GADL1: variants seen among roughly 807,000 people sequenced by gnomAD.
GADL1 encodes GAD like acidic amino acid decarboxylase 1, also known as acidic amino acid decarboxylase GADL1.
Under a neutral mutation model 69.5 loss-of-function variants are expected in GADL1, and 71 were observed. That is an observed-to-expected ratio of 1.02 (90% CI 0.84 to 1.25). The LOEUF (loss-of-function observed/expected upper bound fraction) is 1.25. Ranked by LOEUF, GADL1 falls within the 50% of genes most tolerant of loss-of-function variation. The probability of loss-of-function intolerance (pLI) is 0.00; values close to 1 mark genes in which losing one functional copy is unlikely to be tolerated. For missense variants in GADL1, 737 were observed against 631.8 expected, an observed-to-expected ratio of 1.17 and a Z score of -1.79; for synonymous variants, 254 against 214.4, an observed-to-expected ratio of 1.18 and a Z score of -1.62.
chr3:30,763,614 A>C (rs1230201795), intron 14 of GADL1, among the ~76,000 whole-genome samples: 4 of 152,104 alleles, frequency 2.6e-5, no homozygotes, highest in African/African-American at 9.7e-5. Context: ...GACTTAGATG[A>C]TTTTGCCCAA....
intron 11 of GADL1, among the ~76,000 whole-genome samples, chr3:30,806,900 A>G (rs1162211069): frequency 6.6e-6 from 1 of 152,234 alleles, no homozygotes; most frequent in Non-Finnish European, 1.5e-5. Context: ...GGAATCTTCC[A>G]AGGCTCCTAC....
At chr3:30,881,047 A>G (rs1220667662) in intron 1 of GADL1, among the ~76,000 whole-genome samples, 1 of 151,932 alleles carries the variant, frequency 6.6e-6, no homozygotes, top group Admixed American at 6.6e-5. Flanking sequence ...GTTAGAGATC[A>G]ATCACATTCC....
chr3:30,856,870 G>T, intron 3 of GADL1, 145 bp downstream of exon 3: 1 of 629,296 alleles, frequency 1.6e-6, no homozygotes, highest in South Asian at 2.3e-5. Context: ...GGGATTAAAG[G>T]GACCATTGCA....
At chr3:30,893,734 A>C (rs1281412640) in intron 1 of GADL1, among the ~76,000 whole-genome samples, 3 of 152,190 alleles carry the variant, frequency 2.0e-5, no homozygotes, top group African/African-American at 7.2e-5. Context: ...CTGCCTCACC[A>C]ACTACTGTGC....
chr3:30,855,710 T>G (rs1281149221), intron 3 of GADL1, among the ~76,000 whole-genome samples: 8 of 152,018 alleles, frequency 5.3e-5, no homozygotes, highest in Non-Finnish European at 1.2e-4. Context: ...ATTCTCAATC[T>G]CAGGAAGCTC....
At chr3:30,740,091 G>A (rs60776792) in intron 14 of GADL1, among the ~76,000 whole-genome samples, 3 of 152,042 alleles carry the variant, frequency 2.0e-5, no homozygotes. Flanking sequence ...AGGCTACAGA[G>A]GGATAGAGGG....
At chr3:30,876,984 T>C (rs565499732) in intron 1 of GADL1, among the ~76,000 whole-genome samples, 1 of 151,882 alleles carries the variant, frequency 6.6e-6, no homozygotes, top group Non-Finnish European at 1.5e-5. Context: ...CAGAGTCTGA[T>C]TCTGAAAAAT....
chr3:30,842,842 A>AAAAAG (rs1697990968), intron 8 of GADL1, among the ~76,000 whole-genome samples: 1 of 150,946 alleles, frequency 6.6e-6, no homozygotes, highest in Non-Finnish European at 1.5e-5. Context: ...AAAAAAAAAA[A>AAAAAG]AGTAGGACAC....
chr3:30,741,221 TTCCAACA>T (rs1695622073), intron 14 of GADL1, among the ~76,000 whole-genome samples: 1 of 146,652 alleles, frequency 6.8e-6, no homozygotes, highest in African/African-American at 2.5e-5. Flanking sequence ...TGTGTGTGTA[TTCCAACA>T]CTGTGGTGTT....
At chr3:30,764,190 TTAAG>T (rs1327466355) in intron 14 of GADL1, among the ~76,000 whole-genome samples, 3 of 150,976 alleles carry the variant, frequency 2.0e-5, no homozygotes, top group Admixed American at 6.6e-5. Context: ...AACTTAGTTC[TTAAG>T]TAACTGAGGA....
At chr3:30,780,174 G>A (rs1696632685) in intron 13 of GADL1, among the ~76,000 whole-genome samples, 1 of 152,190 alleles carries the variant, frequency 6.6e-6, no homozygotes, top group Non-Finnish European at 1.5e-5. Flanking sequence ...TGCCTTGGAT[G>A]ACTTCTCTGG....
At chr3:30,851,133 T>G (rs1179471675) in intron 4 of GADL1, among the ~76,000 whole-genome samples, 192 bp from the exon 5 acceptor site, 1 of 152,166 alleles carries the variant, frequency 6.6e-6, no homozygotes, top group Non-Finnish European at 1.5e-5. Flanking sequence ...TAAATGCCAA[T>G]AGCTTGTGGC....
intron 14 of GADL1, among the ~76,000 whole-genome samples, chr3:30,769,952 T>C (rs1206962874): frequency 6.6e-6 from 1 of 152,274 alleles, no homozygotes; most frequent in Non-Finnish European, 1.5e-5. Context: ...ATATTACACA[T>C]TTCTAAATCA....
At chr3:30,808,796 G>A (rs956170401) in intron 11 of GADL1, among the ~76,000 whole-genome samples, 13 of 152,190 alleles carry the variant, frequency 8.5e-5, no homozygotes, top group African/African-American at 2.9e-4. Flanking sequence ...TTCCCTCACT[G>A]TTATAAATAT....
chr3:30,874,717 T>TA (rs1698552917), intron 1 of GADL1, among the ~76,000 whole-genome samples: 1 of 151,966 alleles, frequency 6.6e-6, no homozygotes, highest in African/African-American at 2.4e-5. Context: ...GTGCTTACTC[T>TA]ATGCCATGTT....
intron 14 of GADL1, among the ~76,000 whole-genome samples, chr3:30,763,525 G>GTGGGGGT: frequency 7.5e-6 from 1 of 132,604 alleles, no homozygotes; most frequent in Non-Finnish European, 1.6e-5. Context: ...GGGGGTGGGG[G>GTGGGGGT]GGAATATTGT....
intron 13 of GADL1, chr3:30,778,936 G>A (rs1030108887): frequency 6.6e-6 from 1 of 152,182 alleles, no homozygotes. Context: ...TCCTAGAAAA[G>A]GCTAAAGAAT....
At chr3:30,858,857 T>C (rs1379689656) in intron 2 of GADL1, among the ~76,000 whole-genome samples, 1 of 151,934 alleles carries the variant, frequency 6.6e-6, no homozygotes, top group Non-Finnish European at 1.5e-5. Flanking sequence ...CCAACACTTA[T>C]GAATGGGCAT....
intron 9 of GADL1, among the ~76,000 whole-genome samples, chr3:30,836,404 A>AT (rs386396271): frequency 1.3e-5 from 2 of 151,344 alleles, no homozygotes; most frequent in Non-Finnish European, 2.9e-5. Flanking sequence ...CCTTAAAAAA[A>AT]AAAAAACACC....
Sources: allele counts gnomAD v4.1 joint callset (sites outside exome capture counted in the v4.1 genomes callset), GRCh38; gene constraint gnomAD v4.1.1; transcripts MANE v1.5; gene names NCBI Gene and HGNC (gene_info 2026-07-23, HGNC 2026-07-21).